DIP2C: variants seen among roughly 807,000 people sequenced by gnomAD.
DIP2C encodes DIP2 acetate--CoA ligase C (putative), also known as disco-interacting protein 2 homolog C.
In DIP2C, 33 loss-of-function variants were observed where a neutral mutation model predicts 192.4. That is an observed-to-expected ratio of 0.17 (90% CI 0.13 to 0.23). DIP2C has a LOEUF of 0.23. Among genes scored for constraint, DIP2C ranks in the 10% least tolerant of loss-of-function variants. The pLI is 1.00. For synonymous variants in DIP2C, 979 were observed against 864.1 expected (o/e 1.13, Z -2.33); for missense variants, 1,537 against 2,110.1 (o/e 0.73, Z 5.32).
Position 607,223 on chromosome 10 carries a change from G to A in DIP2C, c.85+82271C>T, listed in dbSNP as rs538176668. On this transcript the variant is annotated intron_variant, in intron 1 of 36. Coordinates refer to ENST00000280886, the MANE Select transcript of DIP2C (RefSeq NM_014974.3). ...AAGGCCTAAAGCCTCGAAGACACCA[G>A]TGAGAACTGACCTGCCTCTTTTAAG... 1.5e-4 allele frequency among the ~76,000 whole-genome samples: 23 copies of A among 152,330 alleles called. No individual in the cohort carries two copies. In the South Asian group the frequency reaches 4.1e-3, roughly 27 times the overall value.
intron 12 of DIP2C, 57 bp from the exon 13 acceptor site, chr10:390,150 G>C (rs907539253): frequency 4.6e-5 from 73 of 1,583,696 alleles, no homozygotes; most frequent in Admixed American, 1.2e-4. Flanking sequence ...CAGTTTTTCT[G>C]GTTACTTGAG....
rs532794421 is a variant in DIP2C, at chr10:502,751, G to C, written c.86-16221C>G. On this transcript the variant is annotated intron_variant, in intron 1 of 36. Coordinates refer to ENST00000280886, the MANE Select transcript of DIP2C (RefSeq NM_014974.3). ...ACAGTAGCTGTATAAAAAACACTTA[G>C]GTATACATTTAACAAAGCACACAGA... 7.9e-5 allele frequency among the ~76,000 whole-genome samples: 12 copies of C among 152,158 alleles called. No homozygotes were observed. In the South Asian group the frequency reaches 1.9e-3, roughly 24 times the overall value.
chr10:546,118 C>G, intron 1 of DIP2C, among the ~76,000 whole-genome samples: 1 of 141,878 alleles, frequency 7.0e-6, no homozygotes, highest in African/African-American at 3.0e-5. Context: ...CCCATCTCTA[C>G]TAAAATAATA....
chr10:449,117 T>C (rs1489040516), intron 3 of DIP2C, among the ~76,000 whole-genome samples: 11 of 145,084 alleles, frequency 7.6e-5, no homozygotes, highest in Admixed American at 2.0e-4. Flanking sequence ...GACCCACTCA[T>C]CCCTGTTGAT....
intron 1 of DIP2C, among the ~76,000 whole-genome samples, chr10:500,489 T>G (rs765189115): frequency 6.6e-5 from 10 of 152,226 alleles, no homozygotes; most frequent in Non-Finnish European, 1.2e-4. Context: ...CACGAGAATT[T>G]CCAAATGCCA....
chr10:457,574 G>A (rs1299046567), intron 3 of DIP2C, among the ~76,000 whole-genome samples: 2 of 151,856 alleles, frequency 1.3e-5, no homozygotes, highest in Admixed American at 1.3e-4. Flanking sequence ...TTTCTTTTTA[G>A]AGGCAGGGTC....
At chr10:435,051 T>C (rs149682517) in intron 4 of DIP2C, among the ~76,000 whole-genome samples, 1 of 152,192 alleles carries the variant, frequency 6.6e-6, no homozygotes, top group Non-Finnish European at 1.5e-5. Flanking sequence ...CTGAGGAAAT[T>C]CAGCCATTAA....
chr10:438,031 T>C (rs1199625547), intron 4 of DIP2C: 1 of 152,266 alleles, frequency 6.6e-6, no homozygotes, highest in Non-Finnish European at 1.5e-5. Flanking sequence ...TATTTATGAT[T>C]GTACAAAACT....
At chr10:611,531 GTC>G (rs1276210806) in intron 1 of DIP2C, among the ~76,000 whole-genome samples, 1 of 152,140 alleles carries the variant, frequency 6.6e-6, no homozygotes, top group African/African-American at 2.4e-5. Flanking sequence ...CATCCTATTT[GTC>G]TCTTACCACC....
intron 1 of DIP2C, among the ~76,000 whole-genome samples, chr10:612,004 G>T (rs1057505641): frequency 2.0e-5 from 3 of 151,906 alleles, no homozygotes; most frequent in African/African-American, 7.3e-5. Context: ...TTAAAATCAA[G>T]AATAACCCAG....
intron 1 of DIP2C, among the ~76,000 whole-genome samples, chr10:513,940 T>A (rs2130785528): frequency 1.3e-5 from 2 of 152,272 alleles, no homozygotes; most frequent in East Asian, 3.9e-4. Flanking sequence ...GTTGTATAGA[T>A]CCAAAAAGCA....
chr10:372,774 C>T (rs533444910), intron 17 of DIP2C, among the ~76,000 whole-genome samples: 129 of 151,416 alleles, frequency 8.5e-4, no homozygotes, highest in African/African-American at 2.1e-3. Flanking sequence ...CACAGGTGGG[C>T]ACAGAAGCGC....
chr10:299,796 CA>C (rs879830710), intron 32 of DIP2C, among the ~76,000 whole-genome samples: 2 of 150,036 alleles, frequency 1.3e-5, no homozygotes, highest in Non-Finnish European at 3.0e-5. Context: ...ATTCAATAGC[CA>C]AAAAAAACTA....
intron 2 of DIP2C, among the ~76,000 whole-genome samples, chr10:484,089 G>A (rs1227513696): frequency 2.6e-5 from 4 of 152,176 alleles, no homozygotes; most frequent in South Asian, 2.1e-4. Flanking sequence ...GATCACAGGC[G>A]TGAGCCACCA....
intron 3 of DIP2C, among the ~76,000 whole-genome samples, chr10:458,607 C>T (rs753256472): frequency 1.9e-4 from 28 of 150,038 alleles, no homozygotes; most frequent in Non-Finnish European, 3.2e-4. Flanking sequence ...TACATTCCTG[C>T]CTCACTGGCA....
intron 9 of DIP2C, among the ~76,000 whole-genome samples, chr10:404,830 G>A (rs1964689971): frequency 6.6e-6 from 1 of 152,232 alleles, no homozygotes; most frequent in African/African-American, 2.4e-5. Context: ...ATGCGGATAA[G>A]CCACAACCAA....
At chr10:671,719 C>A (rs1214919370) in intron 1 of DIP2C, among the ~76,000 whole-genome samples, 1 of 110,518 alleles carries the variant, frequency 9.0e-6, no homozygotes, top group Non-Finnish European at 1.8e-5. Flanking sequence ...ACGGAGGAAA[C>A]GCCACAGACG....
intron 3 of DIP2C, among the ~76,000 whole-genome samples, chr10:470,316 G>A (rs569020984): frequency 6.6e-5 from 10 of 152,322 alleles, no homozygotes; most frequent in East Asian, 3.9e-4. Context: ...GAAATGAACC[G>A]TGCTTCTCAC....
At chr10:427,947 A>G (rs1414910795) in intron 4 of DIP2C, among the ~76,000 whole-genome samples, 1 of 149,940 alleles carries the variant, frequency 6.7e-6, no homozygotes, top group Non-Finnish European at 1.5e-5. Context: ...ATACACAAAG[A>G]TATGTACATA....
Sources: allele counts gnomAD v4.1 joint callset (sites outside exome capture counted in the v4.1 genomes callset), GRCh38; gene constraint gnomAD v4.1.1; transcripts MANE v1.5; gene names NCBI Gene and HGNC (gene_info 2026-07-23, HGNC 2026-07-21).